The following CACNA1C variants were observed in gnomAD, a reference collection of about 807,000 sequenced individuals.
CACNA1C encodes calcium voltage-gated channel subunit alpha1 C, also known as voltage-dependent L-type calcium channel subunit alpha-1C.
Under a neutral mutation model 229.0 loss-of-function variants are expected in CACNA1C, and 30 were observed. That is an observed-to-expected ratio of 0.13 (90% CI 0.10 to 0.18). CACNA1C has a LOEUF of 0.18. Ranked by LOEUF, CACNA1C falls within the 10% of genes least tolerant of loss-of-function variation. The pLI, the probability that CACNA1C is intolerant of heterozygous loss-of-function variation, is 1.00. For missense variants in CACNA1C, 1,658 were observed against 2,845.0 expected, an observed-to-expected ratio of 0.58 and a Z score of 9.49; for synonymous variants, 1,114 against 1,132.5, an observed-to-expected ratio of 0.98 and a Z score of 0.33.
rs2058141156 is a variant in CACNA1C at position 2,575,702 on chromosome 12, T to C, written c.1896-5888T>C. On this transcript the variant is annotated intron_variant, in intron 13 of 46. Coordinates refer to ENST00000399655, the MANE Select transcript of CACNA1C (RefSeq NM_000719.7). This position sits in a 1 kb window ranked among gnomAD's most constrained non-coding sequence, Gnocchi z 4.0. ...GGTATCAAACTCAGTTATGACCTTC[T>C]CTGGAACACAGAGAGAATAGGGTGG... Among the ~76,000 whole-genome samples the C allele has an allele frequency of 6.6e-6, 1 of 152,158 alleles. No homozygotes were observed. The highest frequency in any genetic ancestry group is 1.5e-5 in the Non-Finnish European group (1 of 68,032).
chr12:2,584,653 G>C (rs1400669768), intron 16 of CACNA1C, 36 bp downstream of exon 16: 2 of 1,390,174 alleles, frequency 1.4e-6, no homozygotes, highest in Admixed American at 3.5e-5. Context: ...TGGGGCTCCA[G>C]GGCTCCCATT....
chr12:2,508,320 G>C (rs1348651163), intron 8 of CACNA1C, among the ~76,000 whole-genome samples: 1 of 152,208 alleles, frequency 6.6e-6, no homozygotes, highest in Non-Finnish European at 1.5e-5. Context: ...TGCTTGTGAA[G>C]GTAGAGAAGA....
At position 2,287,860 on chromosome 12, in the gene CACNA1C, G is replaced by A. The variant is rs780893338; in HGVS notation, c.478-161116G>A. On this transcript the variant is annotated intron_variant, in intron 3 of 46. Transcript: ENST00000399655. The surrounding 1 kb of genome is among the most constrained non-coding windows in gnomAD (Gnocchi z 4.6). ...CCTGGGACCACACTTTGGAAATCAC[G>A]ATTATGAACAGGAATCAGAATTTCT... Among the ~76,000 whole-genome samples the A allele has an allele frequency of 2.6e-5, 4 of 152,142 alleles. No individual in the cohort carries two copies. Among genetic ancestry groups the A allele is most frequent in the Non-Finnish European group, 4.4e-5 (3 of 68,038 alleles).
In CACNA1C at chr12:2,697,696, TATC is replaced by T. The variant is rs1021670146; in HGVS notation, c.*6500_*6502del. The T allele has an allele frequency of 1.3e-5, 2 of 151,722 alleles. No individual in the cohort carries two copies. The highest frequency in any genetic ancestry group is 4.9e-5 in the African/African-American group (2 of 41,232). 9.4% of individuals were successfully genotyped at this position (151,722 alleles called of 1,614,324 possible). ...GACTTCACAGTCTTACTGTTGTAAA[TATC>T]ATTGTACAGTTTGTAATCCTCAAAT... On this transcript the variant is annotated 3_prime_UTR_variant, in exon 47 of 47. Coordinates refer to ENST00000399655, the MANE Select transcript of CACNA1C (RefSeq NM_000719.7).
At chr12:2,370,943 G>T (rs1221787302) in intron 3 of CACNA1C, among the ~76,000 whole-genome samples, 1 of 152,146 alleles carries the variant, frequency 6.6e-6, no homozygotes, top group African/African-American at 2.4e-5. Flanking sequence ...TTAAAGAGAA[G>T]CAAGGTGTGT....
upstream of CACNA1C, among the ~76,000 whole-genome samples, chr12:2,052,824 G>A (rs1395323808): frequency 1.4e-5 from 2 of 144,346 alleles, no homozygotes; most frequent in Admixed American, 6.8e-5. Flanking sequence ...GCCCCGCGCC[G>A]TGCGCCCGGC....
intron 9 of CACNA1C, among the ~76,000 whole-genome samples, chr12:2,537,505 A>T (rs548467198): frequency 1.3e-5 from 2 of 152,168 alleles, no homozygotes; most frequent in Non-Finnish European, 2.9e-5. Context: ...GCTATTGCAC[A>T]CTCTGGGAGA....
At chr12:2,419,278 G>A (rs889087349) in intron 3 of CACNA1C, among the ~76,000 whole-genome samples, 5 of 152,178 alleles carry the variant, frequency 3.3e-5, no homozygotes, top group African/African-American at 1.2e-4. Context: ...AGAAGGTGAA[G>A]GGGGAGCAGG....
At chr12:2,063,691 G>T (rs777732380) in intron 1 of CACNA1C, among the ~76,000 whole-genome samples, 15 of 152,154 alleles carry the variant, frequency 9.9e-5, no homozygotes, top group Non-Finnish European at 1.9e-4. Context: ...TGTCTTCAAG[G>T]TTCATCCACG....
chr12:2,441,756 C>G (rs2099229579), intron 3 of CACNA1C, among the ~76,000 whole-genome samples: 1 of 152,204 alleles, frequency 6.6e-6, no homozygotes, highest in Non-Finnish European at 1.5e-5. Flanking sequence ...CCGGACTGGT[C>G]AGTAATAGGT....
chr12:2,329,884 G>A (rs1226242478), intron 3 of CACNA1C, among the ~76,000 whole-genome samples: 1 of 152,240 alleles, frequency 6.6e-6, no homozygotes, highest in African/African-American at 2.4e-5. Flanking sequence ...TGAAGGCCAT[G>A]ACAGCTGGAT....
chr12:2,600,025 CAG>C (rs1275986226), intron 21 of CACNA1C, among the ~76,000 whole-genome samples: 5 of 152,208 alleles, frequency 3.3e-5, no homozygotes, highest in African/African-American at 4.8e-5. Context: ...CTGAGGAATG[CAG>C]AGTGTTCTGT....
chr12:2,430,503 C>T (rs1472446529), intron 3 of CACNA1C, among the ~76,000 whole-genome samples: 1 of 152,114 alleles, frequency 6.6e-6, no homozygotes, highest in African/African-American at 2.4e-5. Flanking sequence ...AAACTGTAGA[C>T]CCATCCACCC....
chr12:1,985,561 A>G (rs2037455037), intron 1 of CACNA1C, among the ~76,000 whole-genome samples: 1 of 152,182 alleles, frequency 6.6e-6, no homozygotes, highest in Non-Finnish European at 1.5e-5. Context: ...TCACTATCTT[A>G]TAATTCTAAC....
chr12:2,006,168 G>T (rs543166795), intron 1 of CACNA1C, among the ~76,000 whole-genome samples: 4 of 152,302 alleles, frequency 2.6e-5, no homozygotes, highest in African/African-American at 9.6e-5. Context: ...CCAGCACTTT[G>T]GGAGGCTGAG....
intron 3 of CACNA1C, among the ~76,000 whole-genome samples, chr12:2,175,478 G>T (rs1384260507): frequency 6.6e-6 from 1 of 151,608 alleles, no homozygotes; most frequent in Non-Finnish European, 1.5e-5. Flanking sequence ...TTAGATTCAG[G>T]TTCCGTTTGT....
chr12:2,038,156 A>G (rs1204828993), intron 1 of CACNA1C, among the ~76,000 whole-genome samples: 9 of 152,226 alleles, frequency 5.9e-5, no homozygotes, highest in Admixed American at 3.3e-4. Flanking sequence ...AAGAGACATG[A>G]TTAAATAATT....
Position 2,651,754 on chromosome 12 carries a change from A to T in CACNA1C, c.4060A>T (p.Ile1354Phe), listed in dbSNP as rs1261611074. The T allele has an allele frequency of 6.2e-7, 1 of 1,609,056 alleles. No individual in the cohort carries two copies. Among genetic ancestry groups the T allele is most frequent in the Non-Finnish European group, 8.5e-7 (1 of 1,176,536 alleles). The change falls in exon 32 of 47, where the codon ATC (isoleucine) becomes TTC (phenylalanine). Residue 1354 changes from isoleucine to phenylalanine, a missense_variant. By Grantham distance (21) the Ile-to-Phe change is conservative. This residue lies in a region of CACNA1C where 11 missense variants were observed against 64.0 expected (regional missense o/e 0.17). Coordinates refer to ENST00000399655, the MANE Select transcript of CACNA1C (RefSeq NM_000719.7). This position sits in a 1 kb window ranked among gnomAD's most constrained non-coding sequence, Gnocchi z 5.4. ...CATCCGGACGCTGCTGTGGACCTTCATCAAGTCCTTCCAGGTAGCCGCCCC... is the reference window on the plus strand; with the variant it reads ...CATCCGGACGCTGCTGTGGACCTTCTTCAAGTCCTTCCAGGTAGCCGCCCC... ...EGIRTLLWTFIKSFQALPYVA... is the reference protein window; with the variant it reads ...EGIRTLLWTFFKSFQALPYVA...
chr12:2,578,814 G>A (rs2059495068), intron 13 of CACNA1C, among the ~76,000 whole-genome samples: 1 of 152,128 alleles, frequency 6.6e-6, no homozygotes, highest in South Asian at 2.1e-4. Context: ...AGGCAGGGGC[G>A]GCAGGGAGAG....
Sources: allele counts gnomAD v4.1 joint callset (sites outside exome capture counted in the v4.1 genomes callset), GRCh38; gene constraint gnomAD v4.1.1; regional missense constraint gnomAD v4.1.1; non-coding constraint Gnocchi (gnomAD v3.1); transcripts MANE v1.5; gene names NCBI Gene and HGNC (gene_info 2026-07-23, HGNC 2026-07-21).